Variants in ZNF678 observed in about 807,000 individuals in gnomAD.
The protein encoded by ZNF678 is zinc finger protein 678.
ZNF678 carries 5 observed loss-of-function variants against 3.0 expected under a neutral mutation model. That is an observed-to-expected ratio of 1.69 (90% CI 0.88 to 3.56). The LOEUF (loss-of-function observed/expected upper bound fraction) is 3.56. Ranked by LOEUF, ZNF678 falls within the 30% of genes most tolerant of loss-of-function variation. ZNF678 has a pLI of 0.00. For missense variants in ZNF678, 593 were observed against 605.0 expected (o/e 0.98, Z 0.21); for synonymous variants, 218 against 199.6 (o/e 1.09, Z -0.78).
intron 1 of ZNF678, among the ~76,000 whole-genome samples, chr1:227,577,466 A>G (rs1657015462): frequency 6.6e-6 from 1 of 152,184 alleles, no homozygotes; most frequent in African/African-American, 2.4e-5. Flanking sequence ...TTCTTATTGA[A>G]TTGAATCTTT....
chr1:227,614,900 GT>G (rs796444640), intron 1 of ZNF678, among the ~76,000 whole-genome samples: 1 of 152,126 alleles, frequency 6.6e-6, no homozygotes, highest in Non-Finnish European at 1.5e-5. Context: ...CTTTACTTGT[GT>G]TTTTTCACTA....
intron 1 of ZNF678, among the ~76,000 whole-genome samples, chr1:227,624,439 C>A (rs888415826): frequency 6.6e-6 from 1 of 152,220 alleles, no homozygotes; most frequent in Non-Finnish European, 1.5e-5. Flanking sequence ...GAAATCCATT[C>A]TTGATTCAAG....
At chr1:227,612,773 T>C (rs1658051894) in intron 1 of ZNF678, among the ~76,000 whole-genome samples, 1 of 152,196 alleles carries the variant, frequency 6.6e-6, no homozygotes, top group Non-Finnish European at 1.5e-5. Context: ...TACCCACATG[T>C]CAACCAGAAA....
downstream of ZNF678, among the ~76,000 whole-genome samples, chr1:227,664,253 G>T (rs953159475): frequency 2.6e-5 from 4 of 152,110 alleles, no homozygotes; most frequent in African/African-American, 9.7e-5. Context: ...ACCAGATCAC[G>T]GTTTGAAGTC....
chr1:227,668,137 G>A (rs1659539522), intron 5 of ZNF678, among the ~76,000 whole-genome samples: 2 of 152,164 alleles, frequency 1.3e-5, no homozygotes, highest in South Asian at 2.1e-4. Context: ...GAGTAAAAGT[G>A]TTTTGTATCC....
chr1:227,576,315 G>A (rs1262017915), intron 1 of ZNF678, among the ~76,000 whole-genome samples: 1 of 152,186 alleles, frequency 6.6e-6, no homozygotes, highest in African/African-American at 2.4e-5. Flanking sequence ...AAGAGTTTCA[G>A]CAGGAATGGA....
In ZNF678 at chr1:227,651,083, A is replaced by T. The variant is rs759809380; in HGVS notation, c.85+7A>T. 1.9e-6 allele frequency: 3 copies of T among 1,612,786 alleles called. No individual in the cohort carries two copies. Among genetic ancestry groups the T allele is most frequent in the Admixed American group, 1.7e-5 (1 of 59,990 alleles). ...TATAAACTGGTTTATACAGGTAAAGATTTTATCCTATTGGGTCTCCAGGCT... is the reference window on the plus strand; with the variant it reads ...TATAAACTGGTTTATACAGGTAAAGTTTTTATCCTATTGGGTCTCCAGGCT... On this transcript the variant is annotated splice_region_variant and intron_variant, in intron 3 of 3. Coordinates refer to ENST00000343776, the MANE Select transcript of ZNF678 (RefSeq NM_001367909.1).
rs929110465 is a variant in ZNF678, at chr1:227,611,624, A to G, written c.-163-34920A>G. On this transcript the variant is annotated intron_variant, in intron 1 of 3. Coordinates refer to ENST00000343776, the MANE Select transcript of ZNF678 (RefSeq NM_001367909.1). ...TCCAGGAGGCTCTTCCACTAGTCCC[A>G]TGGGGAAAGGACTTGCAATGGTAGG... 2.0e-5 allele frequency among the ~76,000 whole-genome samples: 3 copies of G among 152,330 alleles called. No homozygotes were observed. The South Asian group carries it at 6.2e-4, about 32-fold the overall frequency.
At chr1:227,646,767 A>G in intron 2 of ZNF678, 97 bp downstream of exon 2, 1 of 1,156,320 alleles carries the variant, frequency 8.6e-7, no homozygotes, top group Non-Finnish European at 1.1e-6. Flanking sequence ...CATTTGCATG[A>G]ATGAGTTTTT....
intron 1 of ZNF678, among the ~76,000 whole-genome samples, chr1:227,573,869 T>C (rs1170368441): frequency 6.6e-6 from 1 of 152,208 alleles, no homozygotes; most frequent in Non-Finnish European, 1.5e-5. Flanking sequence ...TTCCTTTCCA[T>C]GTGTCCATGT....
intron 1 of ZNF678, among the ~76,000 whole-genome samples, chr1:227,598,209 T>G (rs1263810257): frequency 6.6e-6 from 1 of 152,206 alleles, no homozygotes; most frequent in Non-Finnish European, 1.5e-5. Flanking sequence ...CCCAGAATTA[T>G]CAAGCACTGG....
chr1:227,672,091 T>A (rs73094581), intron 5 of ZNF678, among the ~76,000 whole-genome samples: 105 of 152,312 alleles, frequency 6.9e-4, no homozygotes, highest in African/African-American at 2.5e-3. Context: ...GTGGTTTTGT[T>A]TGCCTGACAT....
intron 1 of ZNF678, among the ~76,000 whole-genome samples, chr1:227,626,474 C>A (rs919873257): frequency 6.6e-6 from 1 of 152,130 alleles, no homozygotes; most frequent in Non-Finnish European, 1.5e-5. Flanking sequence ...AATTCCTTTC[C>A]CTCCTCTCAG....
intron 1 of ZNF678, among the ~76,000 whole-genome samples, chr1:227,595,104 T>C (rs1258589030): frequency 6.6e-6 from 1 of 152,118 alleles, no homozygotes; most frequent in African/African-American, 2.4e-5. Context: ...CCTTCAATTA[T>C]CAATTACAGG....
At chr1:227,644,087 A>G (rs1286188416) in intron 1 of ZNF678, among the ~76,000 whole-genome samples, 1 of 151,218 alleles carries the variant, frequency 6.6e-6, no homozygotes, top group East Asian at 1.9e-4. Flanking sequence ...TTGGTCTCGA[A>G]CTCTGGACCT....
Position 227,655,301 on chromosome 1 carries a change from T to C in ZNF678, c.1051T>C (p.Cys351Arg). 1 of 1,611,324 alleles carries C rather than the reference T, an allele frequency of 6.2e-7. No homozygotes were observed. Among genetic ancestry groups the C allele is most frequent in the Non-Finnish European group, 8.5e-7 (1 of 1,178,326 alleles). Residue 351 changes from cysteine to arginine, a missense_variant, in exon 4 of 4, where the codon TGT becomes CGT. Cys to Arg is a radical substitution (Grantham distance 180, BLOSUM62 -3). Transcript: ENST00000343776. ...RIHTGEKPYK[C>R]EECGRTFTQF... ...TCATACTGGAGAGAAACCCTACAAA[T>C]GTGAAGAATGTGGCAGAACCTTTAC...
At chr1:227,585,169 G>A (rs972767391) in intron 1 of ZNF678, among the ~76,000 whole-genome samples, 1 of 152,188 alleles carries the variant, frequency 6.6e-6, no homozygotes, top group East Asian at 1.9e-4. Context: ...CTGCATCCAT[G>A]ACAAGGAGAT....
At chr1:227,622,138 A>G (rs1479739804) in intron 1 of ZNF678, among the ~76,000 whole-genome samples, 1 of 152,184 alleles carries the variant, frequency 6.6e-6, no homozygotes, top group Non-Finnish European at 1.5e-5. Flanking sequence ...AAGTTCCCAT[A>G]AGAAACATTT....
intron 1 of ZNF678, among the ~76,000 whole-genome samples, chr1:227,588,505 A>AATTTTTTTTTTT (rs1657321859): frequency 2.1e-5 from 1 of 47,816 alleles, no homozygotes; most frequent in Non-Finnish European, 3.6e-5. Flanking sequence ...TGTTTTTTTT[A>AATTTTTTTTTTT]CTTTTTTTTT....
Sources: allele counts gnomAD v4.1 joint callset (sites outside exome capture counted in the v4.1 genomes callset), GRCh38; gene constraint gnomAD v4.1.1; transcripts MANE v1.5; gene names NCBI Gene and HGNC (gene_info 2026-07-23, HGNC 2026-07-21).